The following EPHA3 variants were observed in gnomAD, a reference collection of about 807,000 sequenced individuals.
EPHA3 encodes EPH receptor A3.
In EPHA3, 42 loss-of-function variants were observed where a neutral mutation model predicts 107.1. That is an observed-to-expected ratio of 0.39 (90% CI 0.31 to 0.51). EPHA3 has a LOEUF of 0.51. Ranked by LOEUF, EPHA3 falls within the 20% of genes least tolerant of loss-of-function variation. The pLI is 0.78. For synonymous variants in EPHA3, 461 were observed against 424.8 expected, an observed-to-expected ratio of 1.09 and a Z score of -1.05; for missense variants, 1,183 against 1,211.2, an observed-to-expected ratio of 0.98 and a Z score of 0.35.
At chr3:89,376,712 G>A (rs1708411160) in intron 5 of EPHA3, among the ~76,000 whole-genome samples, 1 of 152,094 alleles carries the variant, frequency 6.6e-6, no homozygotes, top group Admixed American at 6.6e-5. Context: ...CTAAAGAAAG[G>A]TTGATACTAA....
intron 2 of EPHA3, among the ~76,000 whole-genome samples, chr3:89,133,257 C>T (rs775209451): frequency 7.2e-5 from 11 of 152,138 alleles, no homozygotes; most frequent in Non-Finnish European, 1.0e-4. Context: ...CAATACATTG[C>T]CTCTGATGTC....
chr3:89,460,787 G>A (rs1471871018), intron 15 of EPHA3, among the ~76,000 whole-genome samples: 17 of 142,332 alleles, frequency 1.2e-4, no homozygotes, highest in African/African-American at 3.7e-4. Context: ...AGAGGGAATC[G>A]AATATGCCGA....
chr3:89,457,152 G>A (rs1442485044), intron 15 of EPHA3, among the ~76,000 whole-genome samples: 1 of 152,162 alleles, frequency 6.6e-6, no homozygotes, highest in African/African-American at 2.4e-5. Flanking sequence ...AGGAAAACAG[G>A]CTGGGGGAAC....
chr3:89,292,669 C>A (rs1271904426), intron 3 of EPHA3, among the ~76,000 whole-genome samples: 1 of 152,126 alleles, frequency 6.6e-6, no homozygotes, highest in South Asian at 2.1e-4. Context: ...AATTCAGAAC[C>A]CTATCTTCCC....
chr3:89,195,620 A>G (rs1705820713), intron 2 of EPHA3, among the ~76,000 whole-genome samples: 1 of 152,090 alleles, frequency 6.6e-6, no homozygotes, highest in South Asian at 2.1e-4. Flanking sequence ...CTACTCCTAA[A>G]ATATTTCTCT....
At chr3:89,290,897 TG>T (rs1197621569) in intron 3 of EPHA3, among the ~76,000 whole-genome samples, 2 of 152,126 alleles carry the variant, frequency 1.3e-5, no homozygotes, top group African/African-American at 4.8e-5. Context: ...ATTAATATTT[TG>T]TTTGTTATGT....
intron 2 of EPHA3, among the ~76,000 whole-genome samples, chr3:89,208,214 A>G (rs964036379): frequency 1.3e-5 from 2 of 151,734 alleles, no homozygotes; most frequent in Non-Finnish European, 2.9e-5. Context: ...TACTAAAAAT[A>G]TCAAAATTAG....
At chr3:89,311,261 C>T (rs1706759779) in intron 3 of EPHA3, among the ~76,000 whole-genome samples, 1 of 152,000 alleles carries the variant, frequency 6.6e-6, no homozygotes, top group South Asian at 2.1e-4. Context: ...CATTTAACGT[C>T]AACACATTTC....
intron 3 of EPHA3, among the ~76,000 whole-genome samples, chr3:89,277,687 T>A (rs1393630500): frequency 6.6e-6 from 1 of 151,966 alleles, no homozygotes; most frequent in Non-Finnish European, 1.5e-5. Context: ...GTATATTATA[T>A]TTTTTTGTCA....
chr3:89,476,167 T>C (rs1335069441), intron 16 of EPHA3, among the ~76,000 whole-genome samples: 1 of 147,488 alleles, frequency 6.8e-6, no homozygotes, highest in Non-Finnish European at 1.5e-5. Flanking sequence ...GTTTATATAT[T>C]GTAGATAACA....
intron 5 of EPHA3, among the ~76,000 whole-genome samples, chr3:89,356,156 C>T (rs1305362296): frequency 1.3e-5 from 2 of 150,904 alleles, no homozygotes; most frequent in African/African-American, 2.4e-5. Context: ...CTACAGAGGA[C>T]ATGAACTCAT....
intron 3 of EPHA3, among the ~76,000 whole-genome samples, chr3:89,305,201 A>G (rs192412539): frequency 2.2e-4 from 33 of 152,224 alleles, no homozygotes; most frequent in African/African-American, 7.2e-4. Flanking sequence ...CTTTCTATTA[A>G]AATCATCTTC....
intron 2 of EPHA3, among the ~76,000 whole-genome samples, chr3:89,149,581 C>A (rs1311826285): frequency 6.6e-6 from 1 of 151,382 alleles, no homozygotes; most frequent in Non-Finnish European, 1.5e-5. Flanking sequence ...TGTGCTGCAC[C>A]CATTAACTCA....
chr3:89,203,817 A>T (rs1382531632), intron 2 of EPHA3, among the ~76,000 whole-genome samples: 2 of 151,970 alleles, frequency 1.3e-5, no homozygotes, highest in Non-Finnish European at 2.9e-5. Flanking sequence ...ATATTAAGAA[A>T]AAAACCTTAA....
intron 3 of EPHA3, among the ~76,000 whole-genome samples, chr3:89,312,105 C>G (rs1706777937): frequency 6.6e-6 from 1 of 152,022 alleles, no homozygotes; most frequent in African/African-American, 2.4e-5. Context: ...ATGGTCAGCA[C>G]ATTACTCCCT....
intron 3 of EPHA3, among the ~76,000 whole-genome samples, chr3:89,331,213 T>G (rs1707280100): frequency 6.6e-6 from 1 of 152,194 alleles, no homozygotes; most frequent in Non-Finnish European, 1.5e-5. Flanking sequence ...TAAGATATTT[T>G]GATTTTTTAT....
At chr3:89,200,659 C>A (rs1303189485) in intron 2 of EPHA3, among the ~76,000 whole-genome samples, 1 of 152,086 alleles carries the variant, frequency 6.6e-6, no homozygotes, top group South Asian at 2.1e-4. Context: ...TATGCCAGGG[C>A]CTTGAATAAG....
chr3:89,331,975 G>C (rs1048932454), intron 3 of EPHA3, among the ~76,000 whole-genome samples: 1 of 152,044 alleles, frequency 6.6e-6, no homozygotes, highest in African/African-American at 2.4e-5. Flanking sequence ...AGCTTCTCCA[G>C]GCTGTCTGCT....
chr3:89,325,501 A>G (rs1304759335), intron 3 of EPHA3, among the ~76,000 whole-genome samples: 1 of 152,160 alleles, frequency 6.6e-6, no homozygotes, highest in Non-Finnish European at 1.5e-5. Context: ...ACCTTAATAT[A>G]AGCCTGAAGA....
Sources: allele counts gnomAD v4.1 joint callset (sites outside exome capture counted in the v4.1 genomes callset), GRCh38; gene constraint gnomAD v4.1.1; transcripts MANE v1.5; gene names NCBI Gene and HGNC (gene_info 2026-07-23, HGNC 2026-07-21).